The following ARL15 variants were observed in gnomAD, a reference collection of about 807,000 sequenced individuals.
The protein encoded by ARL15 is ARF like GTPase 15, also known as ADP-ribosylation factor-like protein 15.
ARL15 carries 19 observed loss-of-function variants against 25.2 expected under a neutral mutation model. That is an observed-to-expected ratio of 0.75 (90% CI 0.53 to 1.10). ARL15 has a LOEUF of 1.10. Among genes scored for constraint, ARL15 ranks in the 50% least tolerant of loss-of-function variants. The pLI, the probability that ARL15 is intolerant of heterozygous loss-of-function variation, is 0.00. For synonymous variants in ARL15, 94 were observed against 86.8 expected (o/e 1.08, Z -0.46); for missense variants, 220 against 246.0 (o/e 0.89, Z 0.71).
chr5:54,102,830 TTACAAATTC>T (rs1752479681), intron 4 of ARL15, among the ~76,000 whole-genome samples: 1 of 152,196 alleles, frequency 6.6e-6, no homozygotes, highest in Non-Finnish European at 1.5e-5. Context: ...AAAATAAATA[TTACAAATTC>T]TACATGCTAA....
chr5:54,026,979 C>T (rs1749802737), intron 4 of ARL15, among the ~76,000 whole-genome samples: 2 of 152,122 alleles, frequency 1.3e-5, no homozygotes, highest in African/African-American at 2.4e-5. Context: ...TGAACCATAG[C>T]TATGGAAGGT....
chr5:54,105,633 A>G (rs1752567867), intron 4 of ARL15, among the ~76,000 whole-genome samples: 1 of 152,106 alleles, frequency 6.6e-6, no homozygotes, highest in Admixed American at 6.6e-5. Flanking sequence ...CCCAGGCTAC[A>G]ATGCAGTTGT....
chr5:53,947,065 T>G (rs976682401), intron 4 of ARL15, among the ~76,000 whole-genome samples: 5 of 152,048 alleles, frequency 3.3e-5, no homozygotes, highest in African/African-American at 1.2e-4. Context: ...CCAGTTGTGT[T>G]AAATCTTAGT....
intron 4 of ARL15, among the ~76,000 whole-genome samples, chr5:54,110,536 AG>A (rs1230100027): frequency 6.6e-6 from 1 of 152,062 alleles, no homozygotes; most frequent in Non-Finnish European, 1.5e-5. Context: ...TGATTCTGAC[AG>A]ATCAGAATTT....
At chr5:54,263,968 C>T (rs1033068912) in intron 1 of ARL15, among the ~76,000 whole-genome samples, 1 of 152,040 alleles carries the variant, frequency 6.6e-6, no homozygotes, top group East Asian at 1.9e-4. Context: ...AAACTCCAAC[C>T]TCTCCATTTT....
chr5:54,062,848 C>G (rs1751110325), intron 4 of ARL15, among the ~76,000 whole-genome samples: 1 of 152,012 alleles, frequency 6.6e-6, no homozygotes, highest in Admixed American at 6.5e-5. Context: ...ATCAGGAAGC[C>G]CACAAAAAGA....
At chr5:54,180,415 G>A (rs748113078) in intron 1 of ARL15, among the ~76,000 whole-genome samples, 6 of 152,168 alleles carry the variant, frequency 3.9e-5, no homozygotes, top group Non-Finnish European at 5.9e-5. Flanking sequence ...GGCATCTATA[G>A]CAAGAAAAAT....
At chr5:54,150,057 A>C (rs1754024832) in intron 3 of ARL15, among the ~76,000 whole-genome samples, 1 of 152,222 alleles carries the variant, frequency 6.6e-6, no homozygotes, top group South Asian at 2.1e-4. Flanking sequence ...AAGAAGTAAT[A>C]GTTGACTTTA....
At chr5:54,257,589 C>G (rs1487920122) in intron 1 of ARL15, among the ~76,000 whole-genome samples, 8 of 152,078 alleles carry the variant, frequency 5.3e-5, no homozygotes, top group African/African-American at 1.9e-4. Context: ...GAATGTGGAG[C>G]CAATTTCAAC....
At chr5:54,303,204 C>G (rs1044376511) in intron 1 of ARL15, among the ~76,000 whole-genome samples, 1 of 151,756 alleles carries the variant, frequency 6.6e-6, no homozygotes, top group East Asian at 1.9e-4. Flanking sequence ...GGCAAAAGAA[C>G]ATAGCACAGT....
chr5:54,135,256 G>GATTC (rs1753566523), intron 3 of ARL15, among the ~76,000 whole-genome samples: 1 of 152,158 alleles, frequency 6.6e-6, no homozygotes, highest in African/African-American at 2.4e-5. Flanking sequence ...AGGGTGCTAT[G>GATTC]ATTCGTGTTG....
At chr5:53,889,810 G>GTT (rs35947755) in intron 4 of ARL15, among the ~76,000 whole-genome samples, 12,753 of 135,800 alleles carry the variant, frequency 0.094, 723 homozygotes, top group Non-Finnish European at 0.13. Flanking sequence ...AGTTCTGACT[G>GTT]TTTTTTTTTT....
At position 54,140,945 on chromosome 5, in the gene ARL15, C is replaced by T. The variant is rs138725332; in HGVS notation, c.253+13635G>A. On this transcript the variant is annotated intron_variant, in intron 3 of 4. Coordinates refer to ENST00000504924, the MANE Select transcript of ARL15 (RefSeq NM_019087.3). ...TATTTTTTCACCTTAATGTCATTAC[C>T]GTTTTTTCCCCAACCTGCTCCTTTC... Among the ~76,000 whole-genome samples the T allele has an allele frequency of 1.0e-3, 157 of 152,206 alleles. 3 individuals carry two copies. In the East Asian group the frequency reaches 0.023, roughly 22 times the overall value.
At position 53,898,592 on chromosome 5, in the gene ARL15, T is replaced by A. The variant is rs183254402; in HGVS notation, c.463-11879A>T. Among the ~76,000 whole-genome samples, 9 of 152,282 alleles carry A rather than the reference T, an allele frequency of 5.9e-5. No individual in the cohort carries two copies. The East Asian group carries it at 1.4e-3, about 23-fold the overall frequency. ...CTAGTTATTTGGCAAACAATTTTTT[T>A]AATTGTATTCCTTCATAGTCCTTTA... is the stretch of plus-strand genomic sequence containing the variant. On this transcript the variant is annotated intron_variant, in intron 4 of 4. Coordinates refer to ENST00000504924, the MANE Select transcript of ARL15 (RefSeq NM_019087.3).
chr5:53,965,002 A>G (rs1357348122), intron 4 of ARL15, among the ~76,000 whole-genome samples: 2 of 152,216 alleles, frequency 1.3e-5, no homozygotes, highest in African/African-American at 4.8e-5. Context: ...AAGATGCCTT[A>G]GAGGCCTGCC....
chr5:54,028,511 TAAA>T (rs71598893), intron 4 of ARL15, among the ~76,000 whole-genome samples: 2 of 144,976 alleles, frequency 1.4e-5, no homozygotes, highest in African/African-American at 5.1e-5. Context: ...TTTAGTAAAT[TAAA>T]AAAAAAAAAA....
Position 54,271,876 on chromosome 5 carries a change from T to A in ARL15, c.48+38556A>T, listed in dbSNP as rs147384474. ...GGTCAAGCAGATTCTCCTCTGCCTATGTAATATTAATCTATTGGCTGTGCT... is the reference window on the plus strand; with the variant it reads ...GGTCAAGCAGATTCTCCTCTGCCTAAGTAATATTAATCTATTGGCTGTGCT... On this transcript the variant is annotated intron_variant, in intron 1 of 4. Transcript: ENST00000504924. 3.9e-3 allele frequency among the ~76,000 whole-genome samples: 594 copies of A among 152,210 alleles called. 4 individuals are homozygous for A. Among genetic ancestry groups the A allele is most frequent in the African/African-American group, 0.013 (529 of 41,550 alleles).
At chr5:53,910,142 C>T (rs574093837) in intron 4 of ARL15, among the ~76,000 whole-genome samples, 2 of 152,138 alleles carry the variant, frequency 1.3e-5, no homozygotes, top group African/African-American at 4.8e-5. Context: ...CACAGGGCTG[C>T]AATGTTTATA....
intron 3 of ARL15, among the ~76,000 whole-genome samples, chr5:54,122,978 A>G (rs552025616): frequency 1.3e-5 from 2 of 152,310 alleles, no homozygotes; most frequent in South Asian, 4.1e-4. Flanking sequence ...ATTGATATTT[A>G]TTGATTAAGT....
Sources: gnomAD v4.1 joint callset for allele counts (sites outside exome capture counted in the v4.1 genomes callset) on GRCh38, gnomAD v4.1.1 for gene constraint, MANE v1.5 for transcripts, NCBI Gene and HGNC (gene_info 2026-07-23, HGNC 2026-07-21) for gene names.